ASMTL: variants seen among roughly 807,000 people sequenced by gnomAD.
ASMTL encodes acetylserotonin O-methyltransferase like, also known as probable bifunctional dTTP/UTP pyrophosphatase/methyltransferase protein.
A neutral mutation model predicts 60.3 loss-of-function variants in ASMTL; 57 were observed. The ratio of observed to expected loss-of-function variants is 0.95; its 90% CI spans 0.76 to 1.18. ASMTL has a LOEUF of 1.18. ASMTL is among the 50% of genes most tolerant of loss of function. The pLI is 0.00. For missense variants in ASMTL, 981 were observed against 852.6 expected, an observed-to-expected ratio of 1.15 and a Z score of -1.88; for synonymous variants, 419 against 373.0, an observed-to-expected ratio of 1.12 and a Z score of -1.42.
At chrX:1,437,295 A>G (rs2090990893) in intron 3 of ASMTL, among the ~76,000 whole-genome samples, 1 of 150,774 alleles carries the variant, frequency 6.6e-6, no homozygotes, top group African/African-American at 2.4e-5. Flanking sequence ...CTGTGTCCTT[A>G]TCTGCTCTTC....
intron 5 of ASMTL, among the ~76,000 whole-genome samples, chrX:1,433,071 C>G (rs1471390185): frequency 6.6e-6 from 1 of 152,002 alleles, no homozygotes; most frequent in Non-Finnish European, 1.5e-5. Context: ...GTACTGCAGC[C>G]TGGGCGACAG....
chrX:1,418,691 C>T (rs1439299040), intron 10 of ASMTL, among the ~76,000 whole-genome samples: 1 of 152,036 alleles, frequency 6.6e-6, no homozygotes, highest in East Asian at 1.9e-4. Context: ...GAGGGTGAGT[C>T]AGGATATAAT....
intron 11 of ASMTL, among the ~76,000 whole-genome samples, chrX:1,413,373 A>G (rs2090111227): frequency 6.6e-6 from 1 of 152,162 alleles, no homozygotes; most frequent in Non-Finnish European, 1.5e-5. Flanking sequence ...AAAGCAGGGA[A>G]TTCAGGGGCA....
chrX:1,453,016 C>A, upstream of ASMTL: 1 of 558,036 alleles, frequency 1.8e-6, no homozygotes, highest in Non-Finnish European at 3.1e-6. Context: ...CGCGAGACCG[C>A]GCCCAGGCCA....
At chrX:1,452,980 C>G (rs2091434103), upstream of ASMTL, 1 of 627,696 alleles carries the variant, frequency 1.6e-6, no homozygotes, top group Non-Finnish European at 2.6e-6. Flanking sequence ...GAGGCCACGC[C>G]CAGTCCGCGC....
intron 12 of ASMTL, 84 bp from the exon 13 acceptor site, chrX:1,403,573 G>T: frequency 7.6e-7 from 1 of 1,310,192 alleles, no homozygotes; most frequent in South Asian, 1.2e-5. Flanking sequence ...GCAGGCAACA[G>T]GAGCTCAGAA....
chrX:1,414,224 C>T (rs1419032939), intron 11 of ASMTL, among the ~76,000 whole-genome samples: 1 of 152,192 alleles, frequency 6.6e-6, no homozygotes, highest in Non-Finnish European at 1.5e-5. Context: ...GGATCCTCCC[C>T]TAGAGCCTCC....
At chrX:1,453,008 C>A (rs1386604745), upstream of ASMTL, 5 of 553,994 alleles carry the variant, frequency 9.0e-6, no homozygotes, top group East Asian at 1.4e-4. Context: ...GGCCTCCCCG[C>A]GAGACCGCGC....
At chrX:1,434,780 G>C (rs1200803066) in intron 5 of ASMTL, among the ~76,000 whole-genome samples, 1 of 143,810 alleles carries the variant, frequency 7.0e-6, no homozygotes, top group African/African-American at 2.6e-5. Flanking sequence ...GGGTAAGAGA[G>C]CGAGACTCCA....
At chrX:1,424,557 CATCT>C (rs57568302) in intron 8 of ASMTL, among the ~76,000 whole-genome samples, 99,480 of 149,746 alleles carry the variant, frequency 0.66, 33,985 homozygotes, top group South Asian at 0.86. Flanking sequence ...TCCATCCATC[CATCT>C]GTCCGTCCAT....
Position 1,411,834 on chromosome X carries a change from A to G in ASMTL, c.1645+898T>C, listed in dbSNP as rs1274390361. On this transcript the variant is annotated intron_variant, in intron 12 of 12. Coordinates refer to ENST00000381317, the MANE Select transcript of ASMTL (RefSeq NM_004192.4). ...TTTTTTTTTTTTTTTTTTTTTTGAG[A>G]TGGAGTCTCGCTCTGTTACCCAGGC... 3.3e-5 allele frequency among the ~76,000 whole-genome samples: 3 copies of G among 91,314 alleles called. No homozygotes were observed. The Admixed American group carries it at 4.7e-4, about 14-fold the overall frequency. 59.9% of individuals were successfully genotyped at this position (91,314 alleles called of 152,430 possible). A position where few individuals can be genotyped will look rare whatever the true frequency, so the allele number is the denominator to read the frequency against.
chrX:1,410,579 A>G (rs2089972828), intron 12 of ASMTL, among the ~76,000 whole-genome samples: 1 of 151,888 alleles, frequency 6.6e-6, no homozygotes, highest in Non-Finnish European at 1.5e-5. Flanking sequence ...ACGCCGGACT[A>G]ATTTTTGTAT....
chrX:1,447,164 C>T (rs771634582), intron 1 of ASMTL, among the ~76,000 whole-genome samples: 5 of 152,288 alleles, frequency 3.3e-5, no homozygotes, highest in African/African-American at 1.2e-4. Flanking sequence ...GTTTGGTGAC[C>T]CGTAATAACC....
chrX:1,431,279 A>G (rs1219222488), intron 6 of ASMTL, among the ~76,000 whole-genome samples: 1 of 129,498 alleles, frequency 7.7e-6, no homozygotes, highest in Non-Finnish European at 1.5e-5. Context: ...ATTTATATAT[A>G]AATAAAATTA....
intron 11 of ASMTL, among the ~76,000 whole-genome samples, chrX:1,413,571 A>G (rs1440691000): frequency 1.3e-5 from 2 of 152,228 alleles, no homozygotes; most frequent in Non-Finnish European, 2.9e-5. Context: ...CTGAAATAAA[A>G]AGATGGTCTG....
rs58591447 is a variant in ASMTL at position 1,417,804 on chromosome X, CAG to C, written c.1522+167_1522+168del. ...CCAGGGCATACCACACACATGCACA[CAG>C]AGAGACACACACACACAAGCACCGT... On this transcript the variant is annotated intron_variant, in intron 11 of 12. Coordinates refer to ENST00000381317, the MANE Select transcript of ASMTL (RefSeq NM_004192.4). 71 of 357,282 alleles carry C rather than the reference CAG, an allele frequency of 2.0e-4. No individual in the cohort carries two copies. The South Asian group carries it at 4.0e-3, about 20-fold the overall frequency. The allele number at this position is 357,282 out of a possible 1,614,324, so 22.1% of individuals were successfully genotyped here.
At chrX:1,447,624 T>G (rs1443741554) in intron 1 of ASMTL, among the ~76,000 whole-genome samples, 13 of 139,360 alleles carry the variant, frequency 9.3e-5, no homozygotes, top group African/African-American at 3.0e-4. Context: ...CCATCTTGGA[T>G]AAGCACCACC....
chrX:1,435,435 T>C, intron 4 of ASMTL: 1 of 610,186 alleles, frequency 1.6e-6, no homozygotes, highest in East Asian at 2.7e-5. Flanking sequence ...GACAGGACAC[T>C]GCCAACTTCT....
intron 11 of ASMTL, among the ~76,000 whole-genome samples, chrX:1,414,431 A>T (rs116970825): frequency 0.019 from 2,879 of 152,158 alleles, 104 homozygotes; most frequent in African/African-American, 0.065. Context: ...AAACTTTAGC[A>T]TTTCCGGCCG....
Sources: gnomAD v4.1 joint callset for allele counts (sites outside exome capture counted in the v4.1 genomes callset) on GRCh38, gnomAD v4.1.1 for gene constraint, MANE v1.5 for transcripts, NCBI Gene and HGNC (gene_info 2026-07-23, HGNC 2026-07-21) for gene names.